Variants in TGFB2 observed in about 807,000 individuals in gnomAD.
TGFB2 encodes the protein transforming growth factor beta 2.
TGFB2 carries 13 observed loss-of-function variants against 42.7 expected under a neutral mutation model. That is an observed-to-expected ratio of 0.30 (90% confidence interval 0.20 to 0.48). The LOEUF (loss-of-function observed/expected upper bound fraction) is 0.48, where lower values mean the gene tolerates loss of function less well. TGFB2 is among the 20% of genes least tolerant of loss of function. The pLI is 0.99. For synonymous variants in TGFB2, 193 were observed against 193.6 expected, an observed-to-expected ratio of 1.00 and a Z score of 0.03; for missense variants, 390 against 517.5, an observed-to-expected ratio of 0.75 and a Z score of 2.39.
At chr1:218,351,664 C>G (rs1656871563) in intron 1 of TGFB2, among the ~76,000 whole-genome samples, 1 of 152,110 alleles carries the variant, frequency 6.6e-6, no homozygotes. Context: ...AGGGGCTTTG[C>G]AGAGGTTGAG....
Position 218,346,784 on chromosome 1 carries a change from A to G in TGFB2, c.83A>G (p.Asp28Gly). Residue 28 changes from aspartate (D) to glycine (G), a missense_variant, in exon 1 of 7, where the codon GAT becomes GGT. Transcript: ENST00000366930. The surrounding 1 kb of genome is among the most constrained non-coding windows in gnomAD (Gnocchi z 4.9). ...AGCCTGTCTACCTGCAGCACACTCG[A>G]TATGGACCAGTTCATGCGCAAGAGG... is the stretch of plus-strand genomic sequence containing the variant. ...ALSLSTCSTL[D>G]MDQFMRKRIE... 1 of 1,614,116 alleles carries G rather than the reference A, an allele frequency of 6.2e-7. No individual in the cohort carries two copies. Among genetic ancestry groups the G allele is most frequent in the Non-Finnish European group, 8.5e-7 (1 of 1,180,024 alleles).
At chr1:218,361,951 G>C (rs1030624183) in intron 1 of TGFB2, among the ~76,000 whole-genome samples, 1 of 152,174 alleles carries the variant, frequency 6.6e-6, no homozygotes, top group African/African-American at 2.4e-5. Flanking sequence ...CCGCTGTTGG[G>C]TCTTCGTCTT....
chr1:218,356,080 C>T (rs958351109), intron 1 of TGFB2, among the ~76,000 whole-genome samples: 3 of 152,146 alleles, frequency 2.0e-5, no homozygotes, highest in Non-Finnish European at 4.4e-5. Context: ...AGGAGCCCAT[C>T]TGTGGAATCA....
At chr1:218,386,763 T>C (rs1658150926) in intron 1 of TGFB2, among the ~76,000 whole-genome samples, 1 of 152,266 alleles carries the variant, frequency 6.6e-6, no homozygotes, top group African/African-American at 2.4e-5. Flanking sequence ...CATCAGATTC[T>C]GAAAGTAGGT....
rs1659965652 is a variant in TGFB2 at position 218,436,135 on chromosome 1, C to T, written c.920C>T (p.Ala307Val). The change falls in exon 5 of 7, where the codon GCC becomes GTC. Residue 307 changes from alanine (A) to valine (V), a missense_variant. Physicochemically the swap from Ala to Val is moderately conservative, Grantham distance 64. Coordinates refer to ENST00000366930, the MANE Select transcript of TGFB2 (RefSeq NM_003238.6). ...NRRKKRALDAAYCFRNVQDNC... is the reference protein window; with the variant it reads ...NRRKKRALDAVYCFRNVQDNC... ...CGGAAGAAGCGTGCTTTGGATGCGGCCTATTGCTTTAGGTAAAGGAAAGAA... is the reference window on the plus strand; with the variant it reads ...CGGAAGAAGCGTGCTTTGGATGCGGTCTATTGCTTTAGGTAAAGGAAAGAA... The T allele has an allele frequency of 6.2e-7, 1 of 1,611,066 alleles. No homozygotes were observed. Among genetic ancestry groups the T allele is most frequent in the East Asian group, 2.2e-5 (1 of 44,864 alleles).
intron 1 of TGFB2, among the ~76,000 whole-genome samples, chr1:218,389,256 T>C (rs776874078): frequency 1.3e-5 from 2 of 152,174 alleles, no homozygotes; most frequent in Non-Finnish European, 2.9e-5. Flanking sequence ...TTGAGAGCGA[T>C]TAATTTCCTT....
intron 1 of TGFB2, among the ~76,000 whole-genome samples, chr1:218,348,275 G>T (rs1006417338): frequency 6.6e-6 from 1 of 152,070 alleles, no homozygotes; most frequent in African/African-American, 2.4e-5. Context: ...CTGTATACTT[G>T]CTGGCTGCCT....
chr1:218,368,022 C>T (rs756685775), intron 1 of TGFB2, among the ~76,000 whole-genome samples: 9 of 152,098 alleles, frequency 5.9e-5, no homozygotes, highest in South Asian at 4.1e-4. Flanking sequence ...AGTATGGTCT[C>T]GATCTCTTGA....
chr1:218,394,516 G>T (rs1658432763), intron 1 of TGFB2, among the ~76,000 whole-genome samples: 1 of 152,090 alleles, frequency 6.6e-6, no homozygotes, highest in African/African-American at 2.4e-5. Context: ...CACTCATGCT[G>T]ACAGTACGCA....
chr1:218,428,962 C>CCATGAGCA lies in TGFB2; in HGVS notation c.511-5119_511-5112dup, dbSNP rs1047388491. On this transcript the variant is annotated intron_variant, in intron 2 of 6. Coordinates refer to ENST00000366930, the MANE Select transcript of TGFB2 (RefSeq NM_003238.6). ...TTTTCACGATATTGATTCTCCCTAT[C>CCATGAGCA]CATGAGCATCTTTTTTTTTTTTTTT... Among the ~76,000 whole-genome samples the CCATGAGCA allele has an allele frequency of 1.8e-4, 27 of 150,104 alleles. 1 individual carries two copies. Among genetic ancestry groups the CCATGAGCA allele is most frequent in the Non-Finnish European group, 3.2e-4 (22 of 67,732 alleles).
chr1:218,437,124 A>C (rs1476990209), intron 5 of TGFB2, among the ~76,000 whole-genome samples: 1 of 152,178 alleles, frequency 6.6e-6, no homozygotes, highest in Non-Finnish European at 1.5e-5. Context: ...TCATAAGGGC[A>C]AGTAGTCCAG....
At chr1:218,354,449 T>C (rs1366513184) in intron 1 of TGFB2, among the ~76,000 whole-genome samples, 1 of 152,218 alleles carries the variant, frequency 6.6e-6, no homozygotes, top group African/African-American at 2.4e-5. Context: ...GAGGACTTTT[T>C]ACAGGCCAAG....
At position 218,421,217 on chromosome 1, in the gene TGFB2, G is replaced by T. The variant is rs563955362; in HGVS notation, c.511-12865G>T. Among the ~76,000 whole-genome samples the T allele has an allele frequency of 2.0e-5, 3 of 152,172 alleles. No individual in the cohort carries two copies. The South Asian group carries it at 6.2e-4, about 32-fold the overall frequency. The stretch of plus-strand genomic sequence containing the variant: ...CTATTATTTGGAAATTCTCTTTCTT[G>T]CTTTCTCTCCCTCATTTCATTTTTA... On this transcript the variant is annotated intron_variant, in intron 2 of 6. Transcript: ENST00000366930.
intron 1 of TGFB2, among the ~76,000 whole-genome samples, chr1:218,352,189 G>T (rs1326860481): frequency 1.4e-5 from 2 of 141,318 alleles, no homozygotes; most frequent in Non-Finnish European, 3.0e-5. Flanking sequence ...GCAAGAGACT[G>T]CATGGAAGAG....
chr1:218,389,396 C>A (rs1304452121), intron 1 of TGFB2, among the ~76,000 whole-genome samples: 3 of 152,118 alleles, frequency 2.0e-5, no homozygotes, highest in Admixed American at 6.5e-5. Flanking sequence ...AAGGCACCCT[C>A]GCCCGATAGA....
rs1656694865 is a variant in TGFB2 at position 218,346,757 on chromosome 1, T to C, written c.56T>C (p.Leu19Pro). Reference sequence around the variant, plus strand: ...ATCCTGCATCTGGTCACGGTCGCGCTCAGCCTGTCTACCTGCAGCACACTC... The same window carrying C: ...ATCCTGCATCTGGTCACGGTCGCGCCCAGCCTGTCTACCTGCAGCACACTC... The part of the protein sequence containing the change: ...FLILHLVTVA[L>P]SLSTCSTLDM... The change falls in exon 1 of 7, where the codon CTC becomes CCC. Residue 19 changes from leucine (L) to proline (P), a missense_variant. Transcript: ENST00000366930. The surrounding 1 kb of genome is among the most constrained non-coding windows in gnomAD (Gnocchi z 4.9). The C allele has an allele frequency of 6.2e-7, 1 of 1,614,162 alleles. No individual in the cohort carries two copies.
chr1:218,381,447 G>A (rs1273765120), intron 1 of TGFB2, among the ~76,000 whole-genome samples: 4 of 151,858 alleles, frequency 2.6e-5, no homozygotes, highest in Non-Finnish European at 4.4e-5. Flanking sequence ...GTAGAGACGG[G>A]GTTTCACCTT....
intron 1 of TGFB2, among the ~76,000 whole-genome samples, chr1:218,386,267 C>A (rs1200921734): frequency 1.3e-5 from 2 of 152,188 alleles, no homozygotes; most frequent in Non-Finnish European, 2.9e-5. Flanking sequence ...GACTTGCCTG[C>A]TGGAAACCTC....
chr1:218,412,333 C>T (rs140950473), intron 2 of TGFB2, among the ~76,000 whole-genome samples: 4 of 152,288 alleles, frequency 2.6e-5, no homozygotes, highest in Admixed American at 6.5e-5. Context: ...GGGCTCCTTT[C>T]GTGGGCAGAC....
Sources: gnomAD v4.1 joint callset for allele counts (sites outside exome capture counted in the v4.1 genomes callset) on GRCh38, gnomAD v4.1.1 for gene constraint, Gnocchi (gnomAD v3.1) non-coding constraint, MANE v1.5 for transcripts, NCBI Gene and HGNC (gene_info 2026-07-23, HGNC 2026-07-21) for gene names.